The following DISP3 variants were observed in gnomAD, a reference collection of about 807,000 sequenced individuals.
DISP3 encodes the protein protein dispatched homolog 3.
DISP3 carries 101 observed loss-of-function variants against 135.3 expected under a neutral mutation model. The ratio of observed to expected loss-of-function variants is 0.75; its 90% confidence interval spans 0.64 to 0.88. DISP3 has a LOEUF of 0.88. DISP3 is among the 40% of genes least tolerant of loss of function. The pLI, the probability that DISP3 is intolerant of heterozygous loss-of-function variation, is 0.00. For synonymous variants in DISP3, 856 were observed against 817.0 expected (o/e 1.05, Z -0.81); for missense variants, 1,713 against 1,878.6 (o/e 0.91, Z 1.63).
intron 17 of DISP3, chr1:11,533,964 G>A: frequency 1.5e-6 from 1 of 686,016 alleles, no homozygotes; most frequent in Non-Finnish European, 2.7e-6. Flanking sequence ...GCAGTGACAA[G>A]AGCAGGGGAA....
In DISP3 at chr1:11,479,225, GC is replaced by G; in HGVS notation, c.-147del. 2 of 160,234 alleles carry G rather than the reference GC, an allele frequency of 1.2e-5. No individual in the cohort carries two copies. 9.9% of individuals were successfully genotyped at this position (160,234 alleles called of 1,614,324 possible). A position where few individuals can be genotyped will look rare whatever the true frequency, so the allele number is the denominator to read the frequency against. ...CTGCTTGCCCTGGAGCGGAGGGGGA[GC>G]CCCAGCCTCCTGCGGCTCCGAGAAG... On this transcript the variant is annotated 5_prime_UTR_variant, in exon 1 of 21. Transcript: ENST00000294484.
intron 1 of DISP3, among the ~76,000 whole-genome samples, chr1:11,492,537 G>A (rs2100377666): frequency 6.6e-6 from 1 of 152,220 alleles, no homozygotes; most frequent in East Asian, 1.9e-4. Context: ...TCGCCACAGA[G>A]CCCCCACCCG....
At position 11,516,294 on chromosome 1, in the gene DISP3, G is replaced by T; in HGVS notation, c.1749+133G>T. 1 of 1,126,274 alleles carries T rather than the reference G, an allele frequency of 8.9e-7. No individual in the cohort carries two copies. The highest frequency in any genetic ancestry group is 1.2e-6 in the Non-Finnish European group (1 of 812,576). The allele number at this position is 1,126,274 out of a possible 1,614,324, so 69.8% of individuals were successfully genotyped here. ...CCTCAAGGTACTTGCCCTGGCTCTA[G>T]AGTTCATTTTTGTCACGAATCACCC... On this transcript the variant is annotated intron_variant, in intron 6 of 20. Transcript: ENST00000294484. This position sits in a 1 kb window ranked among gnomAD's most constrained non-coding sequence, Gnocchi z 5.1.
intron 3 of DISP3, among the ~76,000 whole-genome samples, chr1:11,506,695 C>A (rs1641714631): frequency 6.6e-6 from 1 of 152,140 alleles, no homozygotes; most frequent in African/African-American, 2.4e-5. Context: ...AAAATTCTTA[C>A]CAACTTTTAA....
intron 7 of DISP3, among the ~76,000 whole-genome samples, chr1:11,518,951 G>A (rs193104672): frequency 1.3e-5 from 2 of 152,160 alleles, no homozygotes; most frequent in South Asian, 4.2e-4. Flanking sequence ...CTGAGACCTC[G>A]GCCACGCAGC....
Position 11,536,075 on chromosome 1 carries a change from T to C in DISP3, c.3817-249T>C, listed in dbSNP as rs1296942539. On this transcript the variant is annotated intron_variant, in intron 20 of 20. Coordinates refer to ENST00000294484, the MANE Select transcript of DISP3 (RefSeq NM_020780.2). This position sits in a 1 kb window ranked among gnomAD's most constrained non-coding sequence, Gnocchi z 4.3. The stretch of plus-strand genomic sequence containing the variant: ...TTTCTTTAGTTTGGAATTGCGTTGG[T>C]GTGAAAACATTCACAAATGTGTAAA... 4.6e-5 allele frequency among the ~76,000 whole-genome samples: 7 copies of C among 152,210 alleles called. No individual in the cohort carries two copies. The highest frequency in any genetic ancestry group is 4.4e-5 in the Non-Finnish European group (3 of 68,032).
intron 1 of DISP3, among the ~76,000 whole-genome samples, chr1:11,489,786 C>T (rs1279926421): frequency 6.6e-6 from 1 of 152,194 alleles, no homozygotes; most frequent in Non-Finnish European, 1.5e-5. Flanking sequence ...CTGCCCCAGG[C>T]ACAGATCCCC....
chr1:11,489,766 G>A (rs1392200827), intron 1 of DISP3, among the ~76,000 whole-genome samples: 2 of 152,152 alleles, frequency 1.3e-5, no homozygotes, highest in Non-Finnish European at 2.9e-5. Context: ...AGTCCTTGGG[G>A]CCACTTCTGC....
At chr1:11,515,291 T>C (rs1641976456) in intron 4 of DISP3, 78 bp from the exon 5 acceptor site, 2 of 1,554,890 alleles carry the variant, frequency 1.3e-6, no homozygotes, top group African/African-American at 2.7e-5. Flanking sequence ...AGGACCCAGC[T>C]GAGGTCAGGG....
chr1:11,491,979 G>A lies in DISP3; in HGVS notation c.-3-9011G>A, dbSNP rs367930845. 0.013 allele frequency among the ~76,000 whole-genome samples: 1,986 copies of A among 150,974 alleles called. 44 individuals are homozygous for A. Among genetic ancestry groups the A allele is most frequent in the African/African-American group, 0.046 (1,872 of 41,046 alleles). On this transcript the variant is annotated intron_variant, in intron 1 of 20. Coordinates refer to ENST00000294484, the MANE Select transcript of DISP3 (RefSeq NM_020780.2). The surrounding 1 kb of genome is among the most constrained non-coding windows in gnomAD (Gnocchi z 4.3). ...CTACTAAAAATACAAAAAATTAGCC[G>A]GGCGTAGTGGCGGGCGCCTGTAGTC...
At chr1:11,502,170 A>T (rs1641561126) in intron 2 of DISP3, 82 bp downstream of exon 2, 6 of 1,472,244 alleles carry the variant, frequency 4.1e-6, no homozygotes. Flanking sequence ...GGCCAGGCCC[A>T]GGCCCAGGCC....
chr1:11,525,670 G>A (rs564587146), intron 12 of DISP3, among the ~76,000 whole-genome samples: 6 of 152,386 alleles, frequency 3.9e-5, no homozygotes, highest in Admixed American at 2.0e-4. Context: ...CGTGCAGAAC[G>A]CCTGGGTGCA....
rs1642014357 is a variant in DISP3 at position 11,516,403 on chromosome 1, C to T, written c.1749+242C>T. Among the ~76,000 whole-genome samples, 1 of 152,230 alleles carries T rather than the reference C, an allele frequency of 6.6e-6. No homozygotes were observed. Among genetic ancestry groups the T allele is most frequent in the Non-Finnish European group, 1.5e-5 (1 of 68,044 alleles). On this transcript the variant is annotated intron_variant, in intron 6 of 20. Coordinates refer to ENST00000294484, the MANE Select transcript of DISP3 (RefSeq NM_020780.2). The surrounding 1 kb of genome is among the most constrained non-coding windows in gnomAD (Gnocchi z 5.1). ...TCCTCAGTAGTAGTAATCCAGCCTCCACCCTGGAGGACATTTGGCAGTTTC... is the reference window on the plus strand; with the variant it reads ...TCCTCAGTAGTAGTAATCCAGCCTCTACCCTGGAGGACATTTGGCAGTTTC...
chr1:11,527,561 A>AG (rs1642460104), intron 13 of DISP3, among the ~76,000 whole-genome samples: 1 of 151,258 alleles, frequency 6.6e-6, no homozygotes, highest in African/African-American at 2.4e-5. Flanking sequence ...AAAAAAAAAA[A>AG]AGAGAAAAAG....
At position 11,519,576 on chromosome 1, in the gene DISP3, T is replaced by C. The variant is rs1642116233; in HGVS notation, c.2038+73T>C. ...GCTGCCTCTGCCAGGGGAGTAACACTTGACAAGTTGGTCCTGAGGCTGGGG... is the reference window on the plus strand; with the variant it reads ...GCTGCCTCTGCCAGGGGAGTAACACCTGACAAGTTGGTCCTGAGGCTGGGG... On this transcript the variant is annotated intron_variant, in intron 8 of 20. Transcript: ENST00000294484. This position sits in a 1 kb window ranked among gnomAD's most constrained non-coding sequence, Gnocchi z 4.3. 1 of 1,585,254 alleles carries C rather than the reference T, an allele frequency of 6.3e-7. No homozygotes were observed. Among genetic ancestry groups the C allele is most frequent in the African/African-American group, 1.3e-5 (1 of 74,482 alleles).
Position 11,501,702 on chromosome 1 carries a change from C to A in DISP3, c.710C>A (p.Pro237Gln). The A allele has an allele frequency of 6.2e-7, 1 of 1,601,126 alleles. No individual in the cohort carries two copies. Residue 237 changes from proline to glutamine, a missense_variant, in exon 2 of 21, where the codon CCG becomes CAG. Pro to Gln is a moderately conservative substitution (Grantham distance 76, BLOSUM62 -1). Transcript: ENST00000294484. The surrounding 1 kb of genome is among the most constrained non-coding windows in gnomAD (Gnocchi z 4.9). The stretch of plus-strand genomic sequence containing the variant: ...AATGGGCGGTACCAGCCCAGCATCC[C>A]GCCCCACGCGGCAGTCGCGGCCAAT... Reference protein sequence around the residue: ...SKNGRYQPSIPPHAAVAANQS... With the variant: ...SKNGRYQPSIQPHAAVAANQS...
At chr1:11,502,147 G>T in intron 2 of DISP3, 59 bp downstream of exon 2, 1 of 1,507,340 alleles carries the variant, frequency 6.6e-7, no homozygotes, top group South Asian at 1.3e-5. Context: ...GCTCTTTATG[G>T]AGATTTGGCC....
At chr1:11,482,979 A>T (rs575155197) in intron 1 of DISP3, among the ~76,000 whole-genome samples, 2 of 152,212 alleles carry the variant, frequency 1.3e-5, no homozygotes, top group African/African-American at 2.4e-5. Flanking sequence ...CAAAATAGAA[A>T]CATGCTCCAA....
At position 11,502,069 on chromosome 1, in the gene DISP3, G is replaced by A; in HGVS notation, c.1077G>A (p.Gln359=). ...AGATCTACTATGACGGCATGGGCCA[G>A]GACCTGGCGGACATCCGGGGTGAGC... ...GGKIYYDGMG[Q]DLADIRGSLE... is the part of the protein sequence containing the mutation. The change falls in exon 2 of 21, where the codon CAG becomes CAA. Residue 359 remains glutamine (Q), a synonymous_variant. Coordinates refer to ENST00000294484, the MANE Select transcript of DISP3 (RefSeq NM_020780.2). The A allele has an allele frequency of 5.1e-6, 8 of 1,566,426 alleles. No homozygotes were observed. The highest frequency in any genetic ancestry group is 6.9e-6 in the Non-Finnish European group (8 of 1,155,244).
Sources: allele counts gnomAD v4.1 joint callset (sites outside exome capture counted in the v4.1 genomes callset), GRCh38; gene constraint gnomAD v4.1.1; non-coding constraint Gnocchi (gnomAD v3.1); transcripts MANE v1.5; gene names NCBI Gene and HGNC (gene_info 2026-07-23, HGNC 2026-07-21).